ALDH3A2: variants seen among roughly 807,000 people sequenced by gnomAD.
The protein encoded by ALDH3A2 is aldehyde dehydrogenase 3 family member A2.
In ALDH3A2, 36 loss-of-function variants were observed where a neutral mutation model predicts 51.3. The observed-to-expected ratio is 0.70, with a 90% CI of 0.54 to 0.93. The LOEUF (loss-of-function observed/expected upper bound fraction) is 0.93, where lower values mean the gene tolerates loss of function less well. Among genes scored for constraint, ALDH3A2 ranks in the 40% least tolerant of loss-of-function variants. The pLI, the probability that ALDH3A2 is intolerant of heterozygous loss-of-function variation, is 0.00. For missense variants in ALDH3A2, 552 were observed against 603.1 expected, an observed-to-expected ratio of 0.92 and a Z score of 0.89; for synonymous variants, 199 against 219.8, an observed-to-expected ratio of 0.91 and a Z score of 0.84.
At chr17:19,669,524 G>A (rs1397896237) in intron 8 of ALDH3A2, among the ~76,000 whole-genome samples, 1 of 151,916 alleles carries the variant, frequency 6.6e-6, no homozygotes, top group Non-Finnish European at 1.5e-5. Flanking sequence ...TTTTTTCCGT[G>A]GGCCAGTACC....
chr17:19,672,547 A>C (rs115463362), intron 9 of ALDH3A2: 3,595 of 174,558 alleles, frequency 0.021, 70 homozygotes, highest in African/African-American at 0.051. Flanking sequence ...CCCTCATGAT[A>C]GCTGCCTTCT....
At chr17:19,662,126 C>T (rs1166722421) in intron 6 of ALDH3A2, 1 of 152,118 alleles carries the variant, frequency 6.6e-6, no homozygotes, top group Non-Finnish European at 1.5e-5. Flanking sequence ...ACTTGTTTCA[C>T]CTCTCTGTTC....
rs2084900521 is a variant in ALDH3A2, at chr17:19,656,550, A to T, written c.656A>T (p.Asp219Val). The change falls in exon 4 of 10, where the codon GAT becomes GTT. Residue 219 changes from aspartate (D) to valine (V), a missense_variant. Transcript: ENST00000176643. ...GGKSPCYIDK[D>V]CDLDIVCRRI... ...AAAAGTCCATGTTATATTGATAAAG[A>T]TTGTGACCTGGACATTGTTTGCAGG... 1 of 1,613,594 alleles carries T rather than the reference A, an allele frequency of 6.2e-7. No homozygotes were observed. The highest frequency in any genetic ancestry group is 1.3e-5 in the African/African-American group (1 of 75,032).
At chr17:19,669,255 A>G (rs1028294288) in intron 8 of ALDH3A2, among the ~76,000 whole-genome samples, 28 of 151,954 alleles carry the variant, frequency 1.8e-4, no homozygotes, top group Admixed American at 1.3e-3. Flanking sequence ...GTGAGCCAAG[A>G]TCATGCCACT....
chr17:19,666,877 A>C (rs1472915069), intron 8 of ALDH3A2, among the ~76,000 whole-genome samples: 2 of 151,568 alleles, frequency 1.3e-5, no homozygotes, highest in Non-Finnish European at 2.9e-5. Flanking sequence ...ATACAAAAAG[A>C]AGATGCAAAA....
At chr17:19,671,666 A>G in intron 8 of ALDH3A2, 55 bp from the exon 9 acceptor site, 1 of 1,484,586 alleles carries the variant, frequency 6.7e-7, no homozygotes, top group Non-Finnish European at 9.4e-7. Context: ...TGTTAGACAG[A>G]AGTAGCTTGC....
intron 3 of ALDH3A2, among the ~76,000 whole-genome samples, chr17:19,653,114 G>C (rs1002627053): frequency 1.2e-4 from 18 of 148,762 alleles, no homozygotes; most frequent in Non-Finnish European, 1.9e-4. Flanking sequence ...GTGTGATCTC[G>C]GCTCACTGCA....
Position 19,675,585 on chromosome 17 carries a change from T to C in ALDH3A2, c.*13T>C. 1 of 1,611,824 alleles carries C rather than the reference T, an allele frequency of 6.2e-7. No individual in the cohort carries two copies. Among genetic ancestry groups the C allele is most frequent in the Non-Finnish European group, 8.5e-7 (1 of 1,177,866 alleles). ...AGAATATTACTGAAGAATGATCCTGTTCAACCTCCTAGTGCCTCTACTGAA... is the reference window on the plus strand; with the variant it reads ...AGAATATTACTGAAGAATGATCCTGCTCAACCTCCTAGTGCCTCTACTGAA... On this transcript the variant is annotated 3_prime_UTR_variant, in exon 10 of 10. Transcript: ENST00000176643.
Position 19,661,111 on chromosome 17 carries a change from C to A in ALDH3A2, c.799-16C>A, listed in dbSNP as rs757812222. ...GGGTCTTTGTGACATTTATATACTC[C>A]TGTTGTTTTAAATAGGAATTTTATG... is the stretch of plus-strand genomic sequence containing the variant. On this transcript the variant is annotated splice_polypyrimidine_tract_variant and intron_variant, in intron 5 of 9. Transcript: ENST00000176643. 1 of 1,605,018 alleles carries A rather than the reference C, an allele frequency of 6.2e-7. No homozygotes were observed. The highest frequency in any genetic ancestry group is 2.2e-5 in the East Asian group (1 of 44,802).
intron 3 of ALDH3A2, among the ~76,000 whole-genome samples, chr17:19,653,047 C>CT (rs541991059): frequency 0.015 from 2,057 of 141,392 alleles, 12 homozygotes; most frequent in Non-Finnish European, 0.02. Context: ...TATAAGAGTA[C>CT]TTTTTTTTTT....
At chr17:19,656,769 A>G (rs1049526034) in intron 4 of ALDH3A2, among the ~76,000 whole-genome samples, 195 bp downstream of exon 4, 13 of 152,210 alleles carry the variant, frequency 8.5e-5, no homozygotes, top group African/African-American at 3.1e-4. Flanking sequence ...GGTGAGCTGT[A>G]AGTCCTGACA....
At chr17:19,664,823 G>T in intron 7 of ALDH3A2, 125 bp from the exon 8 acceptor site, 1 of 721,582 alleles carries the variant, frequency 1.4e-6, no homozygotes. Flanking sequence ...AATTTTCACT[G>T]ACACAAAGCC....
At chr17:19,675,341 T>C (rs1295335984) in intron 9 of ALDH3A2, 4 of 598,284 alleles carry the variant, frequency 6.7e-6, no homozygotes, top group Middle Eastern at 2.8e-4. Context: ...CTTACTCTTA[T>C]TGTTATTGTT....
At chr17:19,663,576 C>A in intron 7 of ALDH3A2, 77 bp downstream of exon 7, 5 of 1,500,108 alleles carry the variant, frequency 3.3e-6, no homozygotes, top group Admixed American at 1.8e-5. Flanking sequence ...TAAAACAATG[C>A]AAAAAACAAT....
At chr17:19,673,257 C>T (rs1181422181) in intron 9 of ALDH3A2, 1 of 1,614,090 alleles carries the variant, frequency 6.2e-7, no homozygotes, top group Non-Finnish European at 8.5e-7. Context: ...AAAACCCAGC[C>T]CTGTCTGTTA....
intron 1 of ALDH3A2, 54 bp downstream of exon 1, chr17:19,649,178 G>T: frequency 6.5e-7 from 1 of 1,528,190 alleles, no homozygotes; most frequent in Non-Finnish European, 8.9e-7. Flanking sequence ...GCGCACTTGT[G>T]GACTGGAGCT....
chr17:19,652,811 G>C (rs1006243982), intron 3 of ALDH3A2, 179 bp downstream of exon 3: 3 of 624,862 alleles, frequency 4.8e-6, no homozygotes, highest in Non-Finnish European at 8.6e-6. Context: ...ATTTTGTGTG[G>C]AGTCACCCAG....
chr17:19,671,420 G>A (rs551342172), intron 8 of ALDH3A2, among the ~76,000 whole-genome samples: 2 of 152,232 alleles, frequency 1.3e-5, no homozygotes, highest in African/African-American at 4.8e-5. Flanking sequence ...ATTGTGGTGA[G>A]AATTATCTTA....
intron 3 of ALDH3A2, 116 bp from the exon 4 acceptor site, chr17:19,656,250 G>T: frequency 1.0e-6 from 1 of 956,570 alleles, no homozygotes; most frequent in Non-Finnish European, 1.7e-6. Flanking sequence ...ACAGGGACTG[G>T]TCTTGACACT....
Sources: gnomAD v4.1 joint callset for allele counts (sites outside exome capture counted in the v4.1 genomes callset) on GRCh38, gnomAD v4.1.1 for gene constraint, MANE v1.5 for transcripts, NCBI Gene and HGNC (gene_info 2026-07-23, HGNC 2026-07-21) for gene names.